The following ERC1 variants were observed in gnomAD, a reference collection of about 807,000 sequenced individuals.
The protein encoded by ERC1 is ELKS/RAB6-interacting/CAST family member 1, also known as RAB6 interacting protein 2.
ERC1 carries 56 observed loss-of-function variants against 132.0 expected under a neutral mutation model. The ratio of observed to expected loss-of-function variants is 0.42; its 90% CI spans 0.34 to 0.53. The LOEUF (loss-of-function observed/expected upper bound fraction) is 0.53, where lower values mean the gene tolerates loss of function less well. ERC1 is among the 20% of genes least tolerant of loss of function. The probability of loss-of-function intolerance (pLI) is 0.03; values close to 1 mark genes in which losing one functional copy is unlikely to be tolerated. For missense variants in ERC1, 1,202 were observed against 1,349.9 expected (o/e 0.89, Z 1.72); for synonymous variants, 478 against 476.1 (o/e 1.00, Z -0.05).
chr12:1,405,170 AATAAATAAAT>A (rs1313031913), intron 16 of ERC1, among the ~76,000 whole-genome samples: 1 of 147,624 alleles, frequency 6.8e-6, no homozygotes, highest in African/African-American at 2.5e-5. Flanking sequence ...TAAATAAATA[AATAAATAAAT>A]ATAAATAAAA....
intron 2 of ERC1, among the ~76,000 whole-genome samples, chr12:1,067,324 T>G (rs183627198): frequency 6.6e-6 from 1 of 152,292 alleles, no homozygotes; most frequent in Admixed American, 6.5e-5. Context: ...ATTGGAAAGT[T>G]AGGGTTTGGG....
chr12:1,198,566 A>G (rs1028798668), intron 12 of ERC1, among the ~76,000 whole-genome samples: 1 of 152,204 alleles, frequency 6.6e-6, no homozygotes, highest in Non-Finnish European at 1.5e-5. Flanking sequence ...CTTCTTTGCT[A>G]ACCATCTTTT....
At chr12:1,331,290 C>G (rs959003330) in intron 15 of ERC1, among the ~76,000 whole-genome samples, 1 of 152,174 alleles carries the variant, frequency 6.6e-6, no homozygotes, top group Admixed American at 6.5e-5. Flanking sequence ...GGTTCTTTCA[C>G]TCTGTGTTGT....
rs139023970 is a variant in ERC1, at chr12:1,378,442, T to C, written c.2925+6465T>C. 1.1e-4 allele frequency among the ~76,000 whole-genome samples: 17 copies of C among 152,328 alleles called. No individual in the cohort carries two copies. In the East Asian group the frequency reaches 3.1e-3, roughly 28 times the overall value. On this transcript the variant is annotated intron_variant, in intron 16 of 18. Coordinates refer to ENST00000360905, the MANE Select transcript of ERC1 (RefSeq NM_178040.4). ...GATGAAAATCACCTTTTGGGACTTA[T>C]TCTGTTCTATGAGAAAAAAATTATA...
At chr12:1,450,921 T>C (rs1437431138) in intron 18 of ERC1, among the ~76,000 whole-genome samples, 2 of 152,258 alleles carry the variant, frequency 1.3e-5, no homozygotes, top group Admixed American at 6.5e-5. Context: ...GTTGAGCATC[T>C]CTTCATGTGC....
intron 12 of ERC1, chr12:1,204,530 A>G: frequency 6.3e-7 from 1 of 1,588,536 alleles, no homozygotes; most frequent in Non-Finnish European, 8.5e-7. Context: ...TGCTTGCACT[A>G]AAACAAAGAT....
intron 18 of ERC1, among the ~76,000 whole-genome samples, chr12:1,475,983 G>C (rs1479298426): frequency 1.3e-5 from 2 of 150,174 alleles, no homozygotes; most frequent in African/African-American, 4.9e-5. Flanking sequence ...AAAAAAAAAG[G>C]CTGGGCAAGG....
At chr12:1,281,320 C>T (rs1460273472) in intron 14 of ERC1, among the ~76,000 whole-genome samples, 1 of 151,996 alleles carries the variant, frequency 6.6e-6, no homozygotes, top group Non-Finnish European at 1.5e-5. Context: ...TGTGTTAACT[C>T]CCTAGCAAAG....
intron 18 of ERC1, among the ~76,000 whole-genome samples, chr12:1,478,355 G>T (rs1243858769): frequency 6.6e-6 from 1 of 152,106 alleles, no homozygotes; most frequent in Admixed American, 6.5e-5. Context: ...TACTCTTGTG[G>T]TCATTCAAGT....
intron 16 of ERC1, among the ~76,000 whole-genome samples, chr12:1,379,763 A>G (rs559628932): frequency 1.7e-4 from 26 of 152,154 alleles, no homozygotes; most frequent in African/African-American, 6.3e-4. Context: ...GAGCAACCAA[A>G]ATGGAATTTG....
chr12:1,386,236 A>G lies in ERC1; in HGVS notation c.2925+14259A>G, dbSNP rs2089328985. Among the ~76,000 whole-genome samples the G allele has an allele frequency of 2.0e-5, 3 of 150,598 alleles. No individual in the cohort carries two copies. The South Asian group carries it at 6.4e-4, about 32-fold the overall frequency. ...GTATTTTTAGTAGAGACAGGGTTTC[A>G]CCATATTGGCCAGGCTGGTCTCGAA... On this transcript the variant is annotated intron_variant, in intron 16 of 18. Transcript: ENST00000360905.
chr12:1,385,576 C>T (rs547238013), intron 16 of ERC1, among the ~76,000 whole-genome samples: 10 of 152,316 alleles, frequency 6.6e-5, no homozygotes, highest in South Asian at 4.2e-4. Flanking sequence ...TGAGCCACCG[C>T]GCCCGGCCCC....
At chr12:1,233,489 A>AAT (rs2075203642) in intron 12 of ERC1, among the ~76,000 whole-genome samples, 1 of 151,322 alleles carries the variant, frequency 6.6e-6, no homozygotes, top group Non-Finnish European at 1.5e-5. Context: ...AAAAAAAAAA[A>AAT]AAAAGAGTAA....
At chr12:1,319,484 C>G (rs2081976694) in intron 15 of ERC1, among the ~76,000 whole-genome samples, 1 of 152,074 alleles carries the variant, frequency 6.6e-6, no homozygotes, top group Admixed American at 6.6e-5. Flanking sequence ...TATTTATGTA[C>G]TAAGCTCTCT....
At chr12:1,234,560 T>A (rs1468263527) in intron 12 of ERC1, among the ~76,000 whole-genome samples, 1 of 152,156 alleles carries the variant, frequency 6.6e-6, no homozygotes, top group Admixed American at 6.5e-5. Context: ...TTTTTGTTGC[T>A]GTAGTTGGTT....
At chr12:999,935 T>C (rs999584153) in intron 1 of ERC1, among the ~76,000 whole-genome samples, 3 of 152,148 alleles carry the variant, frequency 2.0e-5, no homozygotes, top group African/African-American at 7.2e-5. Context: ...CTTGAGATAC[T>C]GCGTGTGTAG....
chr12:1,444,561 G>T lies in ERC1; in HGVS notation c.3025-1G>T. ...TATTTTATTTTATTTTTTTGCCTTA[G>T]ATCATCCAGCCCCTCTTAGAACTTG... On this transcript the variant is annotated splice_acceptor_variant, in intron 17 of 18. Coordinates refer to ENST00000360905, the MANE Select transcript of ERC1 (RefSeq NM_178040.4). LOFTEE classifies it high-confidence loss of function. 1 of 1,592,860 alleles carries T rather than the reference G, an allele frequency of 6.3e-7. No homozygotes were observed. The highest frequency in any genetic ancestry group is 1.8e-5 in the Admixed American group (1 of 55,848).
chr12:1,339,138 G>A (rs1046387285), intron 15 of ERC1, among the ~76,000 whole-genome samples: 1 of 151,276 alleles, frequency 6.6e-6, no homozygotes, highest in Non-Finnish European at 1.5e-5. Flanking sequence ...AGTGGCAGAG[G>A]CAGCTCAGCT....
At chr12:1,046,334 A>G (rs910594763) in intron 2 of ERC1, among the ~76,000 whole-genome samples, 1 of 152,216 alleles carries the variant, frequency 6.6e-6, no homozygotes, top group Non-Finnish European at 1.5e-5. Context: ...AGGGAACACC[A>G]CATTATAGCC....
Sources: gnomAD v4.1 joint callset for allele counts (sites outside exome capture counted in the v4.1 genomes callset) on GRCh38, gnomAD v4.1.1 for gene constraint, MANE v1.5 for transcripts, NCBI Gene and HGNC (gene_info 2026-07-23, HGNC 2026-07-21) for gene names.